CARD19: variants seen among roughly 807,000 people sequenced by gnomAD.
CARD19 encodes the protein caspase recruitment domain-containing protein 19.
Under a neutral mutation model 24.1 loss-of-function variants are expected in CARD19, and 25 were observed. The observed-to-expected ratio is 1.04, with a 90% CI of 0.76 to 1.45. The LOEUF (loss-of-function observed/expected upper bound fraction) is 1.45. Ranked by LOEUF, CARD19 falls within the 40% of genes most tolerant of loss-of-function variation. CARD19 has a pLI of 0.00. For missense variants in CARD19, 241 were observed against 247.4 expected, an observed-to-expected ratio of 0.97 and a Z score of 0.17; for synonymous variants, 103 against 104.9, an observed-to-expected ratio of 0.98 and a Z score of 0.11.
At chr9:93,107,392 G>A (rs920387509) in intron 1 of CARD19, among the ~76,000 whole-genome samples, 3 of 152,208 alleles carry the variant, frequency 2.0e-5, no homozygotes, top group East Asian at 3.9e-4. Flanking sequence ...TAGATTCTTC[G>A]CCCCTCTGAG....
At chr9:93,105,613 G>A (rs1352854678) in intron 1 of CARD19, among the ~76,000 whole-genome samples, 3 of 152,072 alleles carry the variant, frequency 2.0e-5, no homozygotes, top group Non-Finnish European at 2.9e-5. Flanking sequence ...ATATTTGTGA[G>A]TTTTTTTAGT....
At chr9:93,109,869 A>G (rs1332147087) in intron 2 of CARD19, 1 of 152,272 alleles carries the variant, frequency 6.6e-6, no homozygotes, top group Non-Finnish European at 1.5e-5. Context: ...GTCACAGCCT[A>G]CCATGAGGGT....
chr9:93,102,030 C>G (rs1479403988), intron 1 of CARD19, among the ~76,000 whole-genome samples: 1 of 149,716 alleles, frequency 6.7e-6, no homozygotes, highest in Non-Finnish European at 1.5e-5. Flanking sequence ...GGCGCCATCT[C>G]GGCTAACTGC....
intron 3 of CARD19, chr9:93,111,587 A>G: frequency 7.9e-7 from 1 of 1,261,200 alleles, no homozygotes; most frequent in Non-Finnish European, 1.0e-6. Context: ...CTCCCCAGCC[A>G]CGAGTATGCC....
chr9:93,111,762 C>G, intron 3 of CARD19, 117 bp from the exon 4 acceptor site: 1 of 1,509,458 alleles, frequency 6.6e-7, no homozygotes, highest in Non-Finnish European at 8.9e-7. Context: ...GGTGCCACAG[C>G]CTGGTTCGGC....
chr9:93,112,888 C>T (rs1045894510), intron 5 of CARD19, 104 bp from the exon 6 acceptor site: 67 of 710,314 alleles, frequency 9.4e-5, no homozygotes, highest in Non-Finnish European at 1.5e-4. Context: ...AGGGAGCACC[C>T]TGTCCCAGTG....
intron 3 of CARD19, 33 bp downstream of exon 3, chr9:93,110,754 G>A (rs1006590136): frequency 8.2e-6 from 13 of 1,593,130 alleles, no homozygotes; most frequent in Admixed American, 5.2e-5. Flanking sequence ...TGCATGCTTG[G>A]TGCTGGCCCG....
rs527808844 is a variant in CARD19 at position 93,099,068 on chromosome 9, G to A, written c.7+2716G>A. ...CTTCTGAGTAGCTGGGAATACAGGCGTGTGCCAGCATGACCAGCTAATTTT... is the reference window on the plus strand; with the variant it reads ...CTTCTGAGTAGCTGGGAATACAGGCATGTGCCAGCATGACCAGCTAATTTT... On this transcript the variant is annotated intron_variant, in intron 1 of 5. Transcript: ENST00000375464. 1.6e-4 allele frequency among the ~76,000 whole-genome samples: 24 copies of A among 152,192 alleles called. No homozygotes were observed. In the South Asian group the frequency reaches 2.9e-3, roughly 18 times the overall value.
intron 2 of CARD19, 92 bp downstream of exon 2, chr9:93,107,908 C>A: frequency 6.7e-7 from 1 of 1,495,600 alleles, no homozygotes; most frequent in Non-Finnish European, 9.2e-7. Context: ...CTGGGTCATT[C>A]TCTCATGGGA....
intron 1 of CARD19, among the ~76,000 whole-genome samples, chr9:93,103,788 G>T (rs1827162150): frequency 6.6e-6 from 1 of 152,164 alleles, no homozygotes; most frequent in African/African-American, 2.4e-5. Flanking sequence ...AAGGCAGAAG[G>T]GCTAGAGAGA....
intron 1 of CARD19, among the ~76,000 whole-genome samples, chr9:93,103,970 A>G (rs1438436867): frequency 1.3e-5 from 2 of 152,252 alleles, no homozygotes; most frequent in South Asian, 2.1e-4. Flanking sequence ...GCTTGTTGAC[A>G]CATTCAAACC....
chr9:93,096,326 G>T lies in CARD19; in HGVS notation c.-20G>T. ...CGGGGCAGACCGCTGGGGACTGCGG[G>T]CGGCGCTGTGTCCGTCGCCATGACA... On this transcript the variant is annotated 5_prime_UTR_variant, in exon 1 of 6. Transcript: ENST00000375464. This position sits in a 1 kb window ranked among gnomAD's most constrained non-coding sequence, Gnocchi z 5.4. The T allele has an allele frequency of 7.3e-6, 9 of 1,225,790 alleles. No individual in the cohort carries two copies. The highest frequency in any genetic ancestry group is 9.1e-6 in the Non-Finnish European group (9 of 983,974). 75.9% of individuals were successfully genotyped at this position (1,225,790 alleles called of 1,614,324 possible).
At chr9:93,107,583 G>A in intron 1 of CARD19, 91 bp from the exon 2 acceptor site, 1 of 1,477,324 alleles carries the variant, frequency 6.8e-7, no homozygotes, top group Non-Finnish European at 9.3e-7. Flanking sequence ...CCTTGGGGGT[G>A]ATGCCTTCCT....
At chr9:93,097,358 G>A (rs938736055) in intron 1 of CARD19, among the ~76,000 whole-genome samples, 2 of 152,018 alleles carry the variant, frequency 1.3e-5, no homozygotes, top group African/African-American at 2.4e-5. Context: ...GAGACTTCCA[G>A]CCTAGGCCAC....
chr9:93,107,990 A>G (rs1827327773), intron 2 of CARD19, among the ~76,000 whole-genome samples, 174 bp downstream of exon 2: 1 of 152,146 alleles, frequency 6.6e-6, no homozygotes, highest in Non-Finnish European at 1.5e-5. Flanking sequence ...CTGAGCTACA[A>G]ACTGGCCCTT....
chr9:93,105,230 T>C (rs1006479666), intron 1 of CARD19, among the ~76,000 whole-genome samples: 19 of 151,538 alleles, frequency 1.3e-4, no homozygotes, highest in Admixed American at 2.6e-4. Context: ...GTTTCTGCCT[T>C]TCTCATGTTA....
At chr9:93,112,859 A>G (rs1470566252) in intron 5 of CARD19, 133 bp from the exon 6 acceptor site, 2 of 610,832 alleles carry the variant, frequency 3.3e-6, no homozygotes, top group South Asian at 2.2e-5. Context: ...TTTCAACTCA[A>G]GCCGAGACCA....
chr9:93,108,440 A>G (rs1394591312), intron 2 of CARD19, among the ~76,000 whole-genome samples: 1 of 151,962 alleles, frequency 6.6e-6, no homozygotes, highest in Admixed American at 6.6e-5. Flanking sequence ...TGCCCCTCTC[A>G]GCAGTGCTGA....
chr9:93,111,061 G>A (rs1482493853), intron 3 of CARD19: 1 of 1,358,048 alleles, frequency 7.4e-7, no homozygotes, highest in Non-Finnish European at 9.7e-7. Flanking sequence ...CTTCATGTCT[G>A]TGTGGACAGC....
Sources: allele counts gnomAD v4.1 joint callset (sites outside exome capture counted in the v4.1 genomes callset), GRCh38; gene constraint gnomAD v4.1.1; non-coding constraint Gnocchi (gnomAD v3.1); transcripts MANE v1.5; gene names NCBI Gene and HGNC (gene_info 2026-07-23, HGNC 2026-07-21).